The following COL24A1 variants were observed in gnomAD, a reference collection of about 807,000 sequenced individuals.
COL24A1 encodes the protein collagen type XXIV alpha 1 chain, also known as collagen alpha-1(XXIV) chain.
Under a neutral mutation model 253.9 loss-of-function variants are expected in COL24A1, and 224 were observed. The observed-to-expected ratio is 0.88, with a 90% CI of 0.79 to 0.99. The LOEUF is 0.99. Among genes scored for constraint, COL24A1 ranks in the 50% least tolerant of loss-of-function variants. The pLI, the probability that COL24A1 is intolerant of heterozygous loss-of-function variation, is 0.00. For missense variants in COL24A1, 2,131 were observed against 2,068.5 expected, an observed-to-expected ratio of 1.03 and a Z score of -0.59; for synonymous variants, 685 against 673.7, an observed-to-expected ratio of 1.02 and a Z score of -0.26.
intron 51 of COL24A1, 84 bp downstream of exon 51, chr1:85,783,412 G>C (rs1471152536): frequency 1.9e-6 from 2 of 1,054,326 alleles, no homozygotes; most frequent in Non-Finnish European, 2.9e-6. Flanking sequence ...TTATTTACTT[G>C]AAGTACATTA....
At chr1:86,074,387 C>G (rs1702097235) in intron 7 of COL24A1, among the ~76,000 whole-genome samples, 1 of 151,952 alleles carries the variant, frequency 6.6e-6, no homozygotes. Context: ...GTAAAGGGAT[C>G]AATGCAAAAA....
intron 32 of COL24A1, among the ~76,000 whole-genome samples, chr1:85,885,781 C>T (rs1682425753): frequency 6.6e-6 from 1 of 152,122 alleles, no homozygotes; most frequent in African/African-American, 2.4e-5. Context: ...CAGGCTGTTG[C>T]TGGGCAGATG....
At chr1:86,063,803 T>A (rs1202490775) in intron 7 of COL24A1, 44 bp from the exon 8 acceptor site, 4 of 1,400,348 alleles carry the variant, frequency 2.9e-6, no homozygotes, top group Non-Finnish European at 3.8e-6. Context: ...AGTAAACTCA[T>A]ATAAGCCAAA....
At chr1:85,763,149 G>A (rs973955880) in intron 53 of COL24A1, among the ~76,000 whole-genome samples, 11 of 152,120 alleles carry the variant, frequency 7.2e-5, no homozygotes, top group African/African-American at 2.2e-4. Flanking sequence ...AGGCATGGTG[G>A]CTCACACCTG....
At chr1:85,914,953 G>A (rs769121362) in intron 24 of COL24A1, among the ~76,000 whole-genome samples, 24 of 152,090 alleles carry the variant, frequency 1.6e-4, no homozygotes, top group African/African-American at 5.6e-4. Context: ...TGCATTTGGG[G>A]GCAAACTTGA....
Position 85,877,110 on chromosome 1 carries a change from C to CA in COL24A1, c.3030+11dup, listed in dbSNP as rs757196331. On this transcript the variant is annotated intron_variant, in intron 33 of 59. Coordinates refer to ENST00000370571, the MANE Select transcript of COL24A1 (RefSeq NM_152890.7). Reference sequence around the variant, plus strand: ...AATATTTATGAAGAAGAACTAGCCACAAAAAATTTACCTCCATGCCCATTT... The same window carrying CA: ...AATATTTATGAAGAAGAACTAGCCACAAAAAAATTTACCTCCATGCCCATTT... The CA allele has an allele frequency of 6.3e-7, 1 of 1,598,864 alleles. No homozygotes were observed. The highest frequency in any genetic ancestry group is 1.1e-5 in the South Asian group (1 of 87,948).
chr1:86,136,813 T>A (rs914144287), intron 2 of COL24A1, among the ~76,000 whole-genome samples: 2 of 152,124 alleles, frequency 1.3e-5, no homozygotes, highest in African/African-American at 4.8e-5. Context: ...ACTCTCTAGA[T>A]AGCCACCAAA....
chr1:86,147,803 T>G (rs1474655381), intron 1 of COL24A1, among the ~76,000 whole-genome samples: 2 of 152,260 alleles, frequency 1.3e-5, no homozygotes, highest in Non-Finnish European at 2.9e-5. Context: ...TGATTTTACT[T>G]TTGCTTAAAT....
chr1:86,122,091 CCTTTAGT>C (rs11278203), intron 3 of COL24A1, among the ~76,000 whole-genome samples: 3,605 of 152,120 alleles, frequency 0.024, 50 homozygotes, highest in Middle Eastern at 0.048. Flanking sequence ...CTAAAATCTA[CCTTTAGT>C]CTTCTACACT....
At chr1:86,053,627 C>G (rs1700473810) in intron 10 of COL24A1, among the ~76,000 whole-genome samples, 1 of 151,928 alleles carries the variant, frequency 6.6e-6, no homozygotes, top group East Asian at 1.9e-4. Context: ...AATTTTGTGT[C>G]ACCAGCAGGA....
At chr1:85,757,605 A>T (rs965186223) in intron 55 of COL24A1, among the ~76,000 whole-genome samples, 2 of 152,190 alleles carry the variant, frequency 1.3e-5, no homozygotes, top group African/African-American at 4.8e-5. Flanking sequence ...AAAGAAAAGA[A>T]ATTTCATAAC....
chr1:86,065,170 G>C (rs1355209052), intron 7 of COL24A1, among the ~76,000 whole-genome samples: 1 of 152,136 alleles, frequency 6.6e-6, no homozygotes, highest in Admixed American at 6.5e-5. Context: ...AGGTTACAGA[G>C]ACTCTGCCAT....
Position 85,735,084 on chromosome 1 carries a change from T to C in COL24A1, c.4783-120A>G, listed in dbSNP as rs1663908881. ...TCCAGAAAGCTCCTTTCCTTGGAAC[T>C]GAAGTGCCAGTCAGTGGTGTGCTGG... On this transcript the variant is annotated intron_variant, in intron 58 of 59. Transcript: ENST00000370571. The C allele has an allele frequency of 6.0e-6, 5 of 827,054 alleles. No homozygotes were observed. In the Admixed American group the frequency reaches 6.9e-5, roughly 11 times the overall value. The allele number at this position is 827,054 out of a possible 1,614,324, so 51.2% of individuals were successfully genotyped here.
chr1:86,133,824 C>T (rs1257103428), intron 2 of COL24A1, among the ~76,000 whole-genome samples: 1 of 151,930 alleles, frequency 6.6e-6, no homozygotes, highest in Non-Finnish European at 1.5e-5. Flanking sequence ...TTTGTTGTGT[C>T]TCTGCCAGGC....
intron 12 of COL24A1, 99 bp from the exon 13 acceptor site, chr1:86,034,022 T>A (rs1698804440): frequency 1.1e-6 from 1 of 895,872 alleles, no homozygotes; most frequent in South Asian, 2.0e-5. Flanking sequence ...ATTAATTTCC[T>A]AACTCTTAAA....
intron 24 of COL24A1, among the ~76,000 whole-genome samples, chr1:85,911,751 T>C (rs1337040523): frequency 6.6e-6 from 1 of 152,158 alleles, no homozygotes; most frequent in African/African-American, 2.4e-5. Context: ...GACGTTTTCA[T>C]ACCTGTTTGA....
At chr1:85,909,434 A>G (rs1437896770) in intron 26 of COL24A1, among the ~76,000 whole-genome samples, 1 of 151,778 alleles carries the variant, frequency 6.6e-6, no homozygotes, top group East Asian at 1.9e-4. Flanking sequence ...AAAAAGATGT[A>G]ACCCAAATAT....
At chr1:85,819,714 A>G (rs1673410215) in intron 45 of COL24A1, among the ~76,000 whole-genome samples, 1 of 152,146 alleles carries the variant, frequency 6.6e-6, no homozygotes, top group Admixed American at 6.6e-5. Context: ...TTTTCCCATG[A>G]AAGGGGATAA....
intron 5 of COL24A1, among the ~76,000 whole-genome samples, chr1:86,110,185 A>G (rs1705401635): frequency 6.6e-6 from 1 of 151,592 alleles, no homozygotes; most frequent in Non-Finnish European, 1.5e-5. Context: ...TATTTTATAT[A>G]TATTTAATAA....
Sources: gnomAD v4.1 joint callset for allele counts (sites outside exome capture counted in the v4.1 genomes callset) on GRCh38, gnomAD v4.1.1 for gene constraint, MANE v1.5 for transcripts, NCBI Gene and HGNC (gene_info 2026-07-23, HGNC 2026-07-21) for gene names.